The following ME1 variants were observed in gnomAD, a reference collection of about 807,000 sequenced individuals.
The protein encoded by ME1 is NADP-dependent malic enzyme.
In ME1, 74 loss-of-function variants were observed where a neutral mutation model predicts 66.4. The ratio of observed to expected loss-of-function variants is 1.11; its 90% CI spans 0.92 to 1.35. ME1 has a LOEUF of 1.35. Among genes scored for constraint, ME1 ranks in the 40% most tolerant of loss-of-function variants. The pLI, the probability that ME1 is intolerant of heterozygous loss-of-function variation, is 0.00. For missense variants in ME1, 750 were observed against 694.1 expected (o/e 1.08, Z -0.90); for synonymous variants, 251 against 235.6 (o/e 1.07, Z -0.60).
intron 6 of ME1, among the ~76,000 whole-genome samples, chr6:83,299,161 A>G (rs1358589104): frequency 6.6e-6 from 1 of 151,738 alleles, no homozygotes; most frequent in East Asian, 1.9e-4. Flanking sequence ...TAATGGAAAT[A>G]GCATTGAATT....
At chr6:83,360,703 C>T (rs893874067) in intron 3 of ME1, among the ~76,000 whole-genome samples, 5 of 152,300 alleles carry the variant, frequency 3.3e-5, no homozygotes, top group South Asian at 4.1e-4. Context: ...ACTTGAAAGA[C>T]GCAGGGGTGG....
chr6:83,323,950 C>T (rs1292200436), intron 5 of ME1, among the ~76,000 whole-genome samples: 1 of 152,102 alleles, frequency 6.6e-6, no homozygotes, highest in Non-Finnish European at 1.5e-5. Context: ...AAACACTCTT[C>T]AGCACATGCA....
At chr6:83,369,966 A>G (rs1018185179) in intron 3 of ME1, among the ~76,000 whole-genome samples, 5 of 152,160 alleles carry the variant, frequency 3.3e-5, no homozygotes, top group Non-Finnish European at 5.9e-5. Flanking sequence ...TTCCTTTAGG[A>G]AAGGTTTTAA....
intron 3 of ME1, among the ~76,000 whole-genome samples, chr6:83,365,419 C>A (rs1769085381): frequency 6.6e-6 from 1 of 152,178 alleles, no homozygotes; most frequent in Non-Finnish European, 1.5e-5. Context: ...TAACCCTGCC[C>A]AGTCTTCAAC....
At chr6:83,228,961 A>G in intron 9 of ME1, 30 bp from the exon 10 acceptor site, 1 of 1,463,780 alleles carries the variant, frequency 6.8e-7, no homozygotes, top group Non-Finnish European at 9.4e-7. Flanking sequence ...AAAAATTAAG[A>G]ATCTGCCAAA....
At chr6:83,363,854 A>G (rs1037375620) in intron 3 of ME1, among the ~76,000 whole-genome samples, 5 of 152,234 alleles carry the variant, frequency 3.3e-5, no homozygotes, top group Non-Finnish European at 5.9e-5. Context: ...TTTATGTAAC[A>G]GTATTTGGGT....
intron 6 of ME1, among the ~76,000 whole-genome samples, chr6:83,296,238 T>C (rs985771083): frequency 6.6e-6 from 1 of 151,932 alleles, no homozygotes; most frequent in Non-Finnish European, 1.5e-5. Flanking sequence ...TATCCCTGAT[T>C]AGCACTGAAG....
chr6:83,259,753 C>G (rs921094911), intron 6 of ME1, among the ~76,000 whole-genome samples: 2 of 152,140 alleles, frequency 1.3e-5, no homozygotes, highest in Non-Finnish European at 2.9e-5. Context: ...TACTTTACTT[C>G]CATATTATTT....
At chr6:83,393,293 G>T in intron 3 of ME1, 1 of 1,264,498 alleles carries the variant, frequency 7.9e-7, no homozygotes, top group Non-Finnish European at 1.1e-6. Flanking sequence ...TTCGATGCTG[G>T]GGCTGGCATT....
chr6:83,231,564 C>A (rs1397424199), intron 9 of ME1, among the ~76,000 whole-genome samples: 1 of 152,190 alleles, frequency 6.6e-6, no homozygotes, highest in Non-Finnish European at 1.5e-5. Flanking sequence ...ATGTGACAAC[C>A]TTTTCTAAAT....
intron 3 of ME1, among the ~76,000 whole-genome samples, chr6:83,360,986 C>T (rs1326576820): frequency 3.3e-5 from 5 of 152,218 alleles, no homozygotes; most frequent in Admixed American, 2.0e-4. Flanking sequence ...GCAAGGCCAG[C>T]AATATGCCTT....
chr6:83,248,463 T>C (rs1790661877), intron 7 of ME1, among the ~76,000 whole-genome samples: 2 of 152,142 alleles, frequency 1.3e-5, no homozygotes, highest in Admixed American at 1.3e-4. Context: ...TTATACATGG[T>C]ATCTTCAAGT....
At chr6:83,332,200 G>A (rs922841416) in intron 5 of ME1, among the ~76,000 whole-genome samples, 1 of 151,938 alleles carries the variant, frequency 6.6e-6, no homozygotes. Flanking sequence ...AAGAATAAGA[G>A]TATTTTCCAT....
intron 6 of ME1, among the ~76,000 whole-genome samples, chr6:83,301,773 CT>C (rs1348161866): frequency 1.3e-5 from 2 of 152,140 alleles, no homozygotes; most frequent in Non-Finnish European, 2.9e-5. Context: ...GTCAGAATGG[CT>C]ATTATTTAAA....
chr6:83,274,438 G>C (rs1365559013), intron 6 of ME1, among the ~76,000 whole-genome samples: 1 of 152,072 alleles, frequency 6.6e-6, no homozygotes, highest in Non-Finnish European at 1.5e-5. Flanking sequence ...CACATAAATA[G>C]TATATTATAG....
intron 3 of ME1, among the ~76,000 whole-genome samples, chr6:83,383,950 A>G (rs1769454956): frequency 6.6e-6 from 1 of 151,872 alleles, no homozygotes; most frequent in Non-Finnish European, 1.5e-5. Context: ...AACATATAGT[A>G]TTGAGTTAAA....
intron 6 of ME1, among the ~76,000 whole-genome samples, chr6:83,284,247 C>T (rs1486937441): frequency 1.3e-5 from 2 of 151,966 alleles, no homozygotes; most frequent in African/African-American, 4.8e-5. Flanking sequence ...AATAAAAACC[C>T]TACCAACCAA....
At chr6:83,319,778 G>A (rs1307430943) in intron 5 of ME1, among the ~76,000 whole-genome samples, 2 of 152,158 alleles carry the variant, frequency 1.3e-5, no homozygotes, top group African/African-American at 4.8e-5. Context: ...CCCCATGTAG[G>A]TGGCCTGGCA....
chr6:83,409,450 T>A (rs1770005697), intron 1 of ME1, among the ~76,000 whole-genome samples: 1 of 152,154 alleles, frequency 6.6e-6, no homozygotes, highest in African/African-American at 2.4e-5. Context: ...ATTCGGTTCA[T>A]CCCACAGGGA....
Sources: allele counts gnomAD v4.1 joint callset (sites outside exome capture counted in the v4.1 genomes callset), GRCh38; gene constraint gnomAD v4.1.1; transcripts MANE v1.5; gene names NCBI Gene and HGNC (gene_info 2026-07-23, HGNC 2026-07-21).